Variants in PCAT7 observed in about 807,000 individuals in gnomAD.
PCAT7 encodes prostate cancer associated transcript 7, also known as prostate cancer associated transcript 7 (non-protein coding).
In PCAT7 at chr9:94,571,337, C is replaced by T. The variant is rs1433157270; in HGVS notation, n.442-1642C>T. 6 of 1,051,000 alleles carry T rather than the reference C, an allele frequency of 5.7e-6. No individual in the cohort carries two copies. The East Asian group carries it at 1.7e-4, about 30-fold the overall frequency. 65.1% of individuals were successfully genotyped at this position (1,051,000 alleles called of 1,614,324 possible). ...TGGTTTTGGCTCCCCAAACTAGGCT[C>T]TCAGGACCCCTGGTCCCCAAAACAA... On this transcript the variant is annotated intron_variant and non_coding_transcript_variant, in intron 2 of 8. Coordinates refer to ENST00000647389, the Ensembl canonical transcript of PCAT7.
intron 2 of PCAT7, among the ~76,000 whole-genome samples, chr9:94,560,114 G>T (rs1408217153): frequency 6.6e-6 from 1 of 152,194 alleles, no homozygotes; most frequent in African/African-American, 2.4e-5. Context: ...GACAGAGCAA[G>T]AGCCTGTCTC....
At chr9:94,557,825 GT>G (rs1290555243) in intron 1 of PCAT7, among the ~76,000 whole-genome samples, 1 of 152,094 alleles carries the variant, frequency 6.6e-6, no homozygotes, top group Non-Finnish European at 1.5e-5. Flanking sequence ...TAGCCTCCAG[GT>G]CCATAGATAT....
At chr9:94,567,745 A>G (rs1827212853) in intron 2 of PCAT7, 2 of 242,986 alleles carry the variant, frequency 8.2e-6, no homozygotes, top group Non-Finnish European at 1.6e-5. Flanking sequence ...CCAAGTTCTC[A>G]CCCGCAGATT....
intron 2 of PCAT7, among the ~76,000 whole-genome samples, chr9:94,565,600 C>A (rs149337212): frequency 6.6e-6 from 1 of 152,036 alleles, no homozygotes; most frequent in African/African-American, 2.4e-5. Context: ...GAGATGGAAC[C>A]CATATTCCTA....
intron 2 of PCAT7, among the ~76,000 whole-genome samples, chr9:94,572,116 T>C (rs977144376): frequency 1.3e-5 from 2 of 152,150 alleles, no homozygotes; most frequent in African/African-American, 4.8e-5. Context: ...ATTCTGCCTT[T>C]CTCTCTGACT....
At chr9:94,573,827 T>C (rs1827292102) in intron 3 of PCAT7, among the ~76,000 whole-genome samples, 1 of 152,244 alleles carries the variant, frequency 6.6e-6, no homozygotes, top group Non-Finnish European at 1.5e-5. Context: ...AGGATAACAC[T>C]GGTTTCATAA....
At chr9:94,562,316 A>C (rs533878889) in intron 2 of PCAT7, among the ~76,000 whole-genome samples, 2,861 of 151,116 alleles carry the variant, frequency 0.019, 36 homozygotes, top group Non-Finnish European at 0.029. Flanking sequence ...TCTCAAAAAA[A>C]AAAAAAAAAA....
At chr9:94,571,753 G>A (rs1329825138) in intron 2 of PCAT7, 2 of 693,324 alleles carry the variant, frequency 2.9e-6, no homozygotes, top group East Asian at 3.0e-5. Flanking sequence ...GAGGAAACGA[G>A]TGGCCATGTT....
intron 2 of PCAT7, chr9:94,567,660 C>G: frequency 4.6e-6 from 2 of 433,746 alleles, no homozygotes; most frequent in Non-Finnish European, 8.3e-6. Context: ...AGCCCATAGT[C>G]TTCTTTCTTT....
intron 3 of PCAT7, among the ~76,000 whole-genome samples, chr9:94,573,866 A>C (rs2945795): frequency 0.48 from 73,507 of 151,628 alleles, 18,377 homozygotes; most frequent in African/African-American, 0.6. Context: ...CCTTCCTATT[A>C]TCTTTTCTGG....
intron 3 of PCAT7, among the ~76,000 whole-genome samples, chr9:94,573,307 G>A (rs994660007): frequency 6.6e-6 from 1 of 152,178 alleles, no homozygotes; most frequent in African/African-American, 2.4e-5. Flanking sequence ...TGCCCAGGGT[G>A]GAGTGCAGTG....
At chr9:94,554,858 G>A (rs1247835245), upstream of PCAT7, among the ~76,000 whole-genome samples, 1 of 152,166 alleles carries the variant, frequency 6.6e-6, no homozygotes, top group Non-Finnish European at 1.5e-5. Flanking sequence ...GTACGTAGTA[G>A]CTCCCCACAC....
chr9:94,559,250 G>C (rs1024215822), intron 2 of PCAT7: 1 of 789,164 alleles, frequency 1.3e-6, no homozygotes, highest in East Asian at 2.7e-5. Flanking sequence ...TAGCATGAGC[G>C]CACCATGCAC....
chr9:94,566,270 G>A (rs1827188190), intron 2 of PCAT7, among the ~76,000 whole-genome samples: 1 of 152,262 alleles, frequency 6.6e-6, no homozygotes, highest in Non-Finnish European at 1.5e-5. Flanking sequence ...ACTGTGACAT[G>A]TTCATGATGG....
In PCAT7 at chr9:94,571,466, T is replaced by A. The variant is rs1217987250; in HGVS notation, n.442-1513T>A. 7 of 1,609,614 alleles carry A rather than the reference T, an allele frequency of 4.3e-6. No individual in the cohort carries two copies. Among genetic ancestry groups the A allele is most frequent in the Non-Finnish European group, 5.9e-6 (7 of 1,177,932 alleles). On this transcript the variant is annotated intron_variant and non_coding_transcript_variant, in intron 2 of 8. Transcript: ENST00000647389. The stretch of plus-strand genomic sequence containing the variant: ...GATGCCATATTCTGTACCTACCGGG[T>A]CAAGCATGAAGAGGTCCACGCCTTG...
At chr9:94,569,406 T>G (rs1827241022) in intron 2 of PCAT7, 1 of 152,244 alleles carries the variant, frequency 6.6e-6, no homozygotes, top group Admixed American at 6.5e-5. Flanking sequence ...TCAATTTTGC[T>G]GTTGCTTTCC....
At chr9:94,560,947 T>C (rs1481274508) in intron 2 of PCAT7, among the ~76,000 whole-genome samples, 2 of 151,800 alleles carry the variant, frequency 1.3e-5, no homozygotes, top group East Asian at 3.9e-4. Flanking sequence ...CTTAAAGTAG[T>C]GGGTGTCCAG....
chr9:94,560,952 G>A (rs1048233002), intron 2 of PCAT7, among the ~76,000 whole-genome samples: 1 of 151,960 alleles, frequency 6.6e-6, no homozygotes, highest in Non-Finnish European at 1.5e-5. Context: ...AGTAGTGGGT[G>A]TCCAGAAGGG....
At chr9:94,573,453 C>G (rs572555096) in intron 3 of PCAT7, among the ~76,000 whole-genome samples, 7 of 152,144 alleles carry the variant, frequency 4.6e-5, no homozygotes, top group Non-Finnish European at 8.8e-5. Flanking sequence ...AGATGGGGGT[C>G]TTGCTATGTT....
Sources: allele counts gnomAD v4.1 joint callset (sites outside exome capture counted in the v4.1 genomes callset), GRCh38; gene constraint gnomAD v4.1.1; transcripts MANE v1.5; gene names NCBI Gene and HGNC (gene_info 2026-07-23, HGNC 2026-07-21).